SCN4A: variants seen among roughly 807,000 people sequenced by gnomAD.
The protein encoded by SCN4A is sodium voltage-gated channel alpha subunit 4.
Under a neutral mutation model 162.0 loss-of-function variants are expected in SCN4A, and 83 were observed. The observed-to-expected ratio is 0.51, with a 90% CI of 0.43 to 0.61. SCN4A has a LOEUF of 0.61. SCN4A is among the 20% of genes least tolerant of loss of function. The pLI, the probability that SCN4A is intolerant of heterozygous loss-of-function variation, is 0.00. For missense variants in SCN4A, 2,196 were observed against 2,462.5 expected, an observed-to-expected ratio of 0.89 and a Z score of 2.29; for synonymous variants, 944 against 985.1, an observed-to-expected ratio of 0.96 and a Z score of 0.78.
At chr17:63,961,876 C>T (rs1413069102) in intron 10 of SCN4A, among the ~76,000 whole-genome samples, 1 of 149,016 alleles carries the variant, frequency 6.7e-6, no homozygotes, top group Non-Finnish European at 1.5e-5. Flanking sequence ...AAAGCCCCAC[C>T]CCCGGCTCCA....
Position 63,945,647 on chromosome 17 carries a change from C to G in SCN4A, c.3442-9G>C. On this transcript the variant is annotated splice_polypyrimidine_tract_variant and intron_variant, in intron 18 of 23. Transcript: ENST00000435607. The surrounding 1 kb of genome is among the most constrained non-coding windows in gnomAD (Gnocchi z 4.4). ...AGGGCGTTCACCACCACCTGGGGGC[C>G]AGGGGGTCCATTGCCAGTGCCTCTC... 1 of 1,613,630 alleles carries G rather than the reference C, an allele frequency of 6.2e-7. No individual in the cohort carries two copies.
Position 63,941,688 on chromosome 17 carries a change from T to A in SCN4A, c.4594A>T (p.Ile1532Phe), listed in dbSNP as rs758650887. Residue 1532 changes from isoleucine to phenylalanine, a missense_variant, in exon 24 of 24, where the codon ATC becomes TTC. Physicochemically the swap from Ile to Phe is conservative, Grantham distance 21 (BLOSUM62 0). Coordinates refer to ENST00000435607, the MANE Select transcript of SCN4A (RefSeq NM_000334.4). This position sits in a 1 kb window ranked among gnomAD's most constrained non-coding sequence, Gnocchi z 6.2. The stretch of plus-strand genomic sequence containing the variant: ...CCGTCCCAGCCGGCCGACGTGGTGA[T>A]CTCGAACAGGCAGATGATGCTGTTG... ...FGNSIICLFE[I>F]TTSAGWDGLL... is the part of the protein sequence containing the mutation. 9.3e-6 allele frequency: 15 copies of A among 1,614,014 alleles called. No individual in the cohort carries two copies. Among genetic ancestry groups the A allele is most frequent in the Non-Finnish European group, 1.2e-5 (14 of 1,180,008 alleles).
intron 18 of SCN4A, among the ~76,000 whole-genome samples, chr17:63,946,093 C>T (rs921841480): frequency 1.3e-5 from 2 of 152,236 alleles, no homozygotes; most frequent in African/African-American, 4.8e-5. Flanking sequence ...CCCATCCCCA[C>T]CAGCCCTAGT....
In SCN4A at chr17:63,940,747, A is replaced by G; in HGVS notation, c.*24T>C. The G allele has an allele frequency of 3.3e-6, 5 of 1,534,826 alleles. No individual in the cohort carries two copies. Among genetic ancestry groups the G allele is most frequent in the Non-Finnish European group, 4.4e-6 (5 of 1,140,344 alleles). On this transcript the variant is annotated 3_prime_UTR_variant, in exon 24 of 24. Coordinates refer to ENST00000435607, the MANE Select transcript of SCN4A (RefSeq NM_000334.4). ...AGCTCTGGGGACTATGCCGAGACTCAGTGGGCCACCCCGATGCTGCCTGCT... is the reference window on the plus strand; with the variant it reads ...AGCTCTGGGGACTATGCCGAGACTCGGTGGGCCACCCCGATGCTGCCTGCT...
At chr17:63,962,059 G>A (rs1342419020) in intron 10 of SCN4A, among the ~76,000 whole-genome samples, 1 of 150,694 alleles carries the variant, frequency 6.6e-6, no homozygotes, top group East Asian at 2.0e-4. Context: ...TCAATGCCCT[G>A]CCTCAAGCCC....
chr17:63,967,140 A>G (rs958569230), intron 6 of SCN4A, among the ~76,000 whole-genome samples: 1 of 151,834 alleles, frequency 6.6e-6, no homozygotes, highest in Non-Finnish European at 1.5e-5. Flanking sequence ...CTTGCTTTGC[A>G]TAGTGAGAGC....
In SCN4A at chr17:63,957,272, G is replaced by A. The variant is rs771740205; in HGVS notation, c.2266C>T (p.Arg756Cys). 5 of 1,614,112 alleles carry A rather than the reference G, an allele frequency of 3.1e-6. No homozygotes were observed. In the Admixed American group the frequency reaches 6.7e-5, roughly 22 times the overall value. The stretch of plus-strand genomic sequence containing the variant: ...TCGATCCACTCCCCGCACAGGATGC[G>A]GAAGACGATGAGGAAGGAGTGGAAG... ...DFFHSFLIVF[R>C]ILCGEWIETM... Residue 756 changes from arginine to cysteine, a missense_variant, in exon 13 of 24, where the codon CGC becomes TGC. Transcript: ENST00000435607.
chr17:63,940,784 T>G lies in SCN4A; in HGVS notation c.5498A>C (p.Glu1833Ala). The G allele has an allele frequency of 6.3e-7, 1 of 1,574,988 alleles. No individual in the cohort carries two copies. The highest frequency in any genetic ancestry group is 8.6e-7 in the Non-Finnish European group (1 of 1,158,454). Residue 1833 changes from glutamate to alanine, a missense_variant, in exon 24 of 24, where the codon GAG becomes GCG. Transcript: ENST00000435607. ...CGATGCTGCCTGCTAGACAAGAGAC[T>G]CCTTGACACCTGGGCGCACAGTCTG... ...PGQTVRPGVK[E>A]SLV
rs763835761 is a variant in SCN4A at position 63,949,468 on chromosome 17, G to A, written c.2914C>T (p.Pro972Ser). Residue 972 changes from proline to serine, a missense_variant, in exon 15 of 24, where the codon CCC (proline) becomes TCC (serine). By Grantham distance (74) the Pro-to-Ser change is moderately conservative (BLOSUM62 -1). Transcript: ENST00000435607. ...SSVCSTADYK[P>S]PEEDPEEQAE... ...TGCTCCTCAGGGTCCTCCTCGGGGG[G>A]CTTGTAGTCAGCTGTGCTGCAGACG... is the stretch of plus-strand genomic sequence containing the variant. The A allele has an allele frequency of 5.0e-6, 8 of 1,612,016 alleles. No individual in the cohort carries two copies. Among genetic ancestry groups the A allele is most frequent in the African/African-American group, 4.0e-5 (3 of 74,894 alleles).
Position 63,968,359 on chromosome 17 carries a change from A to T in SCN4A, c.704-4T>A. ...GCCCCCACGATCGTCTTCAGCCCTG[A>T]CCGCAGAGAGGGCAAGGATATTGGC... On this transcript the variant is annotated splice_region_variant and splice_polypyrimidine_tract_variant and intron_variant, in intron 5 of 23. Transcript: ENST00000435607. 1 of 1,583,410 alleles carries T rather than the reference A, an allele frequency of 6.3e-7. No homozygotes were observed. The highest frequency in any genetic ancestry group is 8.6e-7 in the Non-Finnish European group (1 of 1,161,200).
In SCN4A at chr17:63,972,560, G is replaced by A; in HGVS notation, c.273+9C>T. On this transcript the variant is annotated intron_variant, in intron 1 of 23. Coordinates refer to ENST00000435607, the MANE Select transcript of SCN4A (RefSeq NM_000334.4). The surrounding 1 kb of genome is among the most constrained non-coding windows in gnomAD (Gnocchi z 4.3). Reference sequence around the variant, plus strand: ...CAGACAGACAGAGGAAGCCTTCCCAGGCCCAGACCTTCTTATTGCTGTAGT... The same window carrying A: ...CAGACAGACAGAGGAAGCCTTCCCAAGCCCAGACCTTCTTATTGCTGTAGT... 1 of 1,593,056 alleles carries A rather than the reference G, an allele frequency of 6.3e-7. No individual in the cohort carries two copies.
At chr17:63,960,259 G>A (rs1343996568) in intron 11 of SCN4A, among the ~76,000 whole-genome samples, 1 of 152,248 alleles carries the variant, frequency 6.6e-6, no homozygotes, top group African/African-American at 2.4e-5. Context: ...GTGGGCAAGC[G>A]GGCAGGCCCG....
rs781682824 is a variant in SCN4A, at chr17:63,968,254, G to A, written c.805C>T (p.Leu269=). ...FCLSVFALVG[L]QLFMGNLRQK... ...CTCAGGTTTCCCATGAAGAGCTGCA[G>A]TCCTACCAGCGCAAAGACGCTCAGG... The change falls in exon 6 of 24, where the codon CTG becomes TTG. Residue 269 remains leucine, a synonymous_variant. Coordinates refer to ENST00000435607, the MANE Select transcript of SCN4A (RefSeq NM_000334.4). The A allele has an allele frequency of 6.2e-7, 1 of 1,614,098 alleles. No individual in the cohort carries two copies. The highest frequency in any genetic ancestry group is 1.1e-5 in the South Asian group (1 of 91,082).
chr17:63,941,193 G>C lies in SCN4A; in HGVS notation c.5089C>G (p.Leu1697Val). 6.2e-7 allele frequency: 1 copy of C among 1,613,822 alleles called. No homozygotes were observed. The highest frequency in any genetic ancestry group is 8.5e-7 in the Non-Finnish European group (1 of 1,179,824). Residue 1697 changes from leucine to valine, a missense_variant, in exon 24 of 24, where the codon CTC (leucine) becomes GTC (valine). Physicochemically the swap from Leu to Val is conservative, Grantham distance 32. Transcript: ENST00000435607. This position sits in a 1 kb window ranked among gnomAD's most constrained non-coding sequence, Gnocchi z 6.2. Reference sequence around the variant, plus strand: ...AACTTCTCCTCCATGGTCTGCTTGAGGGCGTCCATTTCCCCAGAGTCACCC... The same window carrying C: ...AACTTCTCCTCCATGGTCTGCTTGACGGCGTCCATTTCCCCAGAGTCACCC... ...VLGDSGEMDA[L>V]KQTMEEKFMA...
chr17:63,968,313 T>G lies in SCN4A; in HGVS notation c.746A>C (p.Lys249Thr). The change falls in exon 6 of 24, where the codon AAG becomes ACG. Residue 249 changes from lysine to threonine, a missense_variant. Transcript: ENST00000435607. ...IVGALIQSVK[K>T]LSDVMILTVF... ...AGTGAGGATCATCACATCCGACAGC[T>G]TTTTCACCGACTGGATCAGGGCCCC... 6.2e-7 allele frequency: 1 copy of G among 1,609,296 alleles called. No individual in the cohort carries two copies. Among genetic ancestry groups the G allele is most frequent in the South Asian group, 1.1e-5 (1 of 90,880 alleles).
Position 63,940,830 on chromosome 17 carries a change from G to C in SCN4A, c.5452C>G (p.Pro1818Ala). The change falls in exon 24 of 24, where the codon CCT (proline) becomes GCT (alanine). Residue 1818 changes from proline to alanine, a missense_variant. Coordinates refer to ENST00000435607, the MANE Select transcript of SCN4A (RefSeq NM_000334.4). ...MPISPSDTAW[P>A]PAPPPGQTVR... The stretch of plus-strand genomic sequence containing the variant: ...GTCTGCCCTGGGGGAGGGGCGGGAG[G>C]CCAGGCAGTGTCTGAGGGGCTGATG... 1 of 1,608,340 alleles carries C rather than the reference G, an allele frequency of 6.2e-7. No homozygotes were observed. The highest frequency in any genetic ancestry group is 8.5e-7 in the Non-Finnish European group (1 of 1,176,208).
rs928317170 is a variant in SCN4A at position 63,941,890 on chromosome 17, C to T, written c.4392G>A (p.Gly1464=). ...RIGRVLRLIR[G]AKGIRTLLFA... ...ACAGCAGCGTCCGGATGCCCTTGGC[C>T]CCGCGGATCAGCCGCAGGACACGCC... The change falls in exon 24 of 24, where the codon GGG becomes GGA. Residue 1464 remains glycine (G), a synonymous_variant. Transcript: ENST00000435607. This position sits in a 1 kb window ranked among gnomAD's most constrained non-coding sequence, Gnocchi z 6.2. 6.2e-7 allele frequency: 1 copy of T among 1,613,482 alleles called. No homozygotes were observed. Among genetic ancestry groups the T allele is most frequent in the South Asian group, 1.1e-5 (1 of 91,086 alleles).
In SCN4A at chr17:63,945,976, C is replaced by T. The variant is rs543145969; in HGVS notation, c.3442-338G>A. Among the ~76,000 whole-genome samples, 81 of 152,230 alleles carry T rather than the reference C, an allele frequency of 5.3e-4. No homozygotes were observed. The highest frequency in any genetic ancestry group is 1.9e-3 in the African/African-American group (77 of 41,536). On this transcript the variant is annotated intron_variant, in intron 18 of 23. Transcript: ENST00000435607. This position sits in a 1 kb window ranked among gnomAD's most constrained non-coding sequence, Gnocchi z 4.4. ...CAGCCCCCATAGGAAACTCAGCTCA[C>T]GTGACCCAGCCCCTGCTCATGGGTT...
chr17:63,946,466 C>A (rs899213613), intron 18 of SCN4A, among the ~76,000 whole-genome samples: 7 of 125,812 alleles, frequency 5.6e-5, no homozygotes, highest in Non-Finnish European at 1.2e-4. Context: ...TTTCTTGCCC[C>A]CCCCCCCACC....
Sources: gnomAD v4.1 joint callset for allele counts (sites outside exome capture counted in the v4.1 genomes callset) on GRCh38, gnomAD v4.1.1 for gene constraint, Gnocchi (gnomAD v3.1) non-coding constraint, MANE v1.5 for transcripts, NCBI Gene and HGNC (gene_info 2026-07-23, HGNC 2026-07-21) for gene names.